The following EEA1 variants were observed in gnomAD, a reference collection of about 807,000 sequenced individuals.
The protein encoded by EEA1 is early endosome antigen 1.
A neutral mutation model predicts 209.2 loss-of-function variants in EEA1; 111 were observed. That is an observed-to-expected ratio of 0.53 (90% CI 0.45 to 0.62). The LOEUF (loss-of-function observed/expected upper bound fraction) is 0.62, where lower values mean the gene tolerates loss of function less well. Among genes scored for constraint, EEA1 ranks in the 20% least tolerant of loss-of-function variants. The pLI, the probability that EEA1 is intolerant of heterozygous loss-of-function variation, is 0.00. For synonymous variants in EEA1, 536 were observed against 540.6 expected, an observed-to-expected ratio of 0.99 and a Z score of 0.12; for missense variants, 1,343 against 1,530.8, an observed-to-expected ratio of 0.88 and a Z score of 2.05.
intron 1 of EEA1, among the ~76,000 whole-genome samples, chr12:92,898,080 C>CT (rs1390078954): frequency 6.6e-6 from 1 of 151,872 alleles, no homozygotes; most frequent in Non-Finnish European, 1.5e-5. Flanking sequence ...ACAAGTATGC[C>CT]TATATACTTG....
intron 3 of EEA1, 32 bp downstream of exon 3, chr12:92,864,828 T>C: frequency 2.0e-6 from 3 of 1,523,176 alleles, no homozygotes; most frequent in Non-Finnish European, 2.6e-6. Flanking sequence ...GCATATTCCA[T>C]AACATTATAC....
intron 14 of EEA1, 27 bp from the exon 15 acceptor site, chr12:92,816,427 A>T (rs774426530): frequency 8.8e-6 from 14 of 1,596,620 alleles, no homozygotes; most frequent in Non-Finnish European, 1.2e-5. Context: ...ACTAATCGTG[A>T]AGTTCACAAA....
At position 92,795,667 on chromosome 12, in the gene EEA1, T is replaced by C. The variant is rs1609489; in HGVS notation, c.2967+3225A>G. On this transcript the variant is annotated intron_variant, in intron 21 of 28. Transcript: ENST00000322349. ...ATGATAGGAATTGGTGCTAACTGCC[T>C]ATCGGGGAGCAGAGAGCTGATCTCC... Among the ~76,000 whole-genome samples, 553 of 152,332 alleles carry C rather than the reference T, an allele frequency of 3.6e-3. 11 individuals are homozygous for C. Among genetic ancestry groups the C allele is most frequent in the Admixed American group, 0.024 (367 of 15,296 alleles).
At chr12:92,866,314 G>A (rs1878394517) in intron 2 of EEA1, among the ~76,000 whole-genome samples, 1 of 151,388 alleles carries the variant, frequency 6.6e-6, no homozygotes, top group Admixed American at 6.6e-5. Flanking sequence ...CTAATTAAAG[G>A]TAGCAAGAAA....
chr12:92,857,270 A>T lies in EEA1; in HGVS notation c.366+5T>A. ...AACATGCTTTAAGTAGTTAAAAGCA[A>T]TTACTTGCTGCTGCAGCCCTTGATA... On this transcript the variant is annotated splice_donor_5th_base_variant and intron_variant, in intron 5 of 28. Coordinates refer to ENST00000322349, the MANE Select transcript of EEA1 (RefSeq NM_003566.4). 1 of 1,576,092 alleles carries T rather than the reference A, an allele frequency of 6.3e-7. No individual in the cohort carries two copies.
At chr12:92,823,471 C>A (rs1876157048) in intron 13 of EEA1, among the ~76,000 whole-genome samples, 1 of 152,192 alleles carries the variant, frequency 6.6e-6, no homozygotes, top group Admixed American at 6.5e-5. Context: ...CCAGAAATAT[C>A]TACTCATCCT....
chr12:92,876,651 T>A (rs767330407), intron 2 of EEA1, among the ~76,000 whole-genome samples: 1 of 152,062 alleles, frequency 6.6e-6, no homozygotes. Flanking sequence ...TATTTTATAA[T>A]AGCAGTCTGA....
intron 10 of EEA1, 51 bp downstream of exon 10, chr12:92,842,414 T>G: frequency 2.2e-6 from 2 of 913,170 alleles, no homozygotes; most frequent in Non-Finnish European, 3.4e-6. Context: ...AGATTAATAT[T>G]TAAAATACAT....
At chr12:92,926,759 C>A (rs1881232235) in intron 1 of EEA1, among the ~76,000 whole-genome samples, 1 of 152,160 alleles carries the variant, frequency 6.6e-6, no homozygotes, top group African/African-American at 2.4e-5. Flanking sequence ...CATCTCTTTG[C>A]ATTTGCTGTT....
At chr12:92,920,423 G>A (rs2136786608) in intron 1 of EEA1, among the ~76,000 whole-genome samples, 1 of 145,426 alleles carries the variant, frequency 6.9e-6, no homozygotes, top group Admixed American at 6.8e-5. Flanking sequence ...GAACAGAACA[G>A]AGCCCTCAGA....
rs542267968 is a variant in EEA1, at chr12:92,889,724, C to T, written c.117+1905G>A. Among the ~76,000 whole-genome samples the T allele has an allele frequency of 2.0e-5, 3 of 152,152 alleles. No individual in the cohort carries two copies. The South Asian group carries it at 6.2e-4, about 32-fold the overall frequency. ...GACCAGGCTGGCCAACATGGCAAAA[C>T]CCCGTCTCTACTAAAAACAAAACAA... On this transcript the variant is annotated intron_variant, in intron 2 of 28. Coordinates refer to ENST00000322349, the MANE Select transcript of EEA1 (RefSeq NM_003566.4).
At chr12:92,794,195 A>C (rs1315887166) in intron 21 of EEA1, among the ~76,000 whole-genome samples, 1 of 152,228 alleles carries the variant, frequency 6.6e-6, no homozygotes, top group Admixed American at 6.5e-5. Flanking sequence ...ATCTCACGCC[A>C]GTTAGAATGG....
intron 12 of EEA1, among the ~76,000 whole-genome samples, chr12:92,827,136 A>T (rs1876345141): frequency 6.6e-6 from 1 of 152,058 alleles, no homozygotes; most frequent in African/African-American, 2.4e-5. Flanking sequence ...CAGGCAAATC[A>T]CTTGAGGTCA....
At chr12:92,882,449 T>A (rs1879190505) in intron 2 of EEA1, among the ~76,000 whole-genome samples, 1 of 151,654 alleles carries the variant, frequency 6.6e-6, no homozygotes, top group African/African-American at 2.4e-5. Context: ...TCAGAGGGTG[T>A]ATGTGCAGGT....
intron 1 of EEA1, among the ~76,000 whole-genome samples, chr12:92,898,854 T>G (rs1432451809): frequency 6.9e-6 from 1 of 143,994 alleles, no homozygotes; most frequent in Non-Finnish European, 1.5e-5. Context: ...GTGCTGAGAT[T>G]ACAGGCATGA....
At chr12:92,911,672 A>G (rs1020058038) in intron 1 of EEA1, among the ~76,000 whole-genome samples, 3 of 152,244 alleles carry the variant, frequency 2.0e-5, no homozygotes, top group Non-Finnish European at 4.4e-5. Context: ...TTCACGAATC[A>G]TAACAAATGT....
chr12:92,810,569 C>T (rs761860035), intron 17 of EEA1, among the ~76,000 whole-genome samples: 1 of 151,996 alleles, frequency 6.6e-6, no homozygotes, highest in Non-Finnish European at 1.5e-5. Flanking sequence ...TATACACACA[C>T]GCTTCACCGG....
At chr12:92,838,718 CAT>C (rs1877035434) in intron 10 of EEA1, among the ~76,000 whole-genome samples, 1 of 151,936 alleles carries the variant, frequency 6.6e-6, no homozygotes, top group Admixed American at 6.6e-5. Context: ...GAGTATCTAA[CAT>C]AGAGAAATTC....
chr12:92,811,481 T>C (rs749516622), intron 16 of EEA1, 47 bp from the exon 17 acceptor site: 1 of 1,285,996 alleles, frequency 7.8e-7, no homozygotes, highest in African/African-American at 1.5e-5. Flanking sequence ...GTTTACTATA[T>C]TGTAGTGGCC....
Sources: allele counts gnomAD v4.1 joint callset (sites outside exome capture counted in the v4.1 genomes callset), GRCh38; gene constraint gnomAD v4.1.1; transcripts MANE v1.5; gene names NCBI Gene and HGNC (gene_info 2026-07-23, HGNC 2026-07-21).